The following ATP6V0A2 variants were observed in gnomAD, a reference collection of about 807,000 sequenced individuals.
ATP6V0A2 encodes the protein ATPase H+ transporting V0 subunit a2.
Under a neutral mutation model 104.4 loss-of-function variants are expected in ATP6V0A2, and 58 were observed. That is an observed-to-expected ratio of 0.56 (90% CI 0.45 to 0.69). The LOEUF (loss-of-function observed/expected upper bound fraction) is 0.69, where lower values mean the gene tolerates loss of function less well. Among genes scored for constraint, ATP6V0A2 ranks in the 30% least tolerant of loss-of-function variants. ATP6V0A2 has a pLI of 0.00. For synonymous variants in ATP6V0A2, 376 were observed against 397.9 expected (o/e 0.95, Z 0.65); for missense variants, 938 against 1,062.9 (o/e 0.88, Z 1.63).
chr12:123,757,181 C>T (rs1027706494), intron 19 of ATP6V0A2, among the ~76,000 whole-genome samples, 195 bp downstream of exon 19: 6 of 152,148 alleles, frequency 3.9e-5, no homozygotes, highest in East Asian at 1.9e-4. Flanking sequence ...TGGCTCATGC[C>T]GGTAATCCTG....
intron 4 of ATP6V0A2, among the ~76,000 whole-genome samples, chr12:123,725,169 G>A (rs1956437455): frequency 6.6e-6 from 1 of 152,122 alleles, no homozygotes; most frequent in Non-Finnish European, 1.5e-5. Context: ...TCCAGACCCA[G>A]TTGATCCACC....
chr12:123,734,023 C>T lies in ATP6V0A2; in HGVS notation c.731+15C>T. 2 of 1,578,786 alleles carry T rather than the reference C, an allele frequency of 1.3e-6. No individual in the cohort carries two copies. Among genetic ancestry groups the T allele is most frequent in the Non-Finnish European group, 1.7e-6 (2 of 1,149,240 alleles). On this transcript the variant is annotated intron_variant, in intron 7 of 19. Transcript: ENST00000330342. ...ATATGTGATTGGTAAGAAAAAGAAA[C>T]ATTTCATTTCATTTATGTCTTTATA...
intron 5 of ATP6V0A2, 64 bp downstream of exon 5, chr12:123,726,349 C>T: frequency 8.7e-7 from 1 of 1,154,452 alleles, no homozygotes; most frequent in Non-Finnish European, 1.3e-6. Context: ...CAGATGAGCT[C>T]CATAGAAGGG....
At position 123,744,369 on chromosome 12, in the gene ATP6V0A2, TG is replaced by T. The variant is rs369501050; in HGVS notation, c.1326+34del. 5.6e-6 allele frequency: 9 copies of T among 1,613,930 alleles called. No homozygotes were observed. The African/African-American group carries it at 1.2e-4, about 22-fold the overall frequency. On this transcript the variant is annotated intron_variant, in intron 11 of 19. Coordinates refer to ENST00000330342, the MANE Select transcript of ATP6V0A2 (RefSeq NM_012463.4). The surrounding 1 kb of genome is among the most constrained non-coding windows in gnomAD (Gnocchi z 5.4). The stretch of plus-strand genomic sequence containing the variant: ...ATATAAACACTCCAGCTCATATATC[TG>T]GTTAGGTGGCATTAGCAGTGACCGA...
chr12:123,747,755 T>G, intron 14 of ATP6V0A2, 30 bp downstream of exon 14: 2 of 1,442,392 alleles, frequency 1.4e-6, no homozygotes, highest in African/African-American at 1.4e-5. Flanking sequence ...TAAGCAATAT[T>G]TATAAACCAA....
At chr12:123,733,880 G>T in intron 6 of ATP6V0A2, 46 bp from the exon 7 acceptor site, 1 of 1,440,350 alleles carries the variant, frequency 6.9e-7, no homozygotes, top group Non-Finnish European at 9.8e-7. Context: ...AGTTCTAGAA[G>T]TTTATACACG....
intron 5 of ATP6V0A2, 67 bp downstream of exon 5, chr12:123,726,352 T>A (rs1451655211): frequency 1.1e-5 from 12 of 1,130,608 alleles, no homozygotes; most frequent in Non-Finnish European, 1.5e-5. Context: ...ATGAGCTCCA[T>A]AGAAGGGATG....
At chr12:123,756,387 T>G (rs1956764749) in intron 18 of ATP6V0A2, 1 of 157,076 alleles carries the variant, frequency 6.4e-6, no homozygotes, top group Non-Finnish European at 1.4e-5. Flanking sequence ...ATTTTGTGGC[T>G]GGAGGGGCCC....
chr12:123,744,223 C>T lies in ATP6V0A2; in HGVS notation c.1212C>T (p.Phe404=), dbSNP rs370742954. The change falls in exon 11 of 20, where the codon TTC becomes TTT. Residue 404 remains phenylalanine (F), a synonymous_variant. Transcript: ENST00000330342. This position sits in a 1 kb window ranked among gnomAD's most constrained non-coding sequence, Gnocchi z 5.4. ...CAGCTCTCTTTACCATCATCACCTT[C>T]CCGTTTTTATTTGCTGTGATGTTTG... ...VNPALFTIIT[F]PFLFAVMFGD... is the part of the protein sequence containing the mutation. 6 of 1,614,200 alleles carry T rather than the reference C, an allele frequency of 3.7e-6. No homozygotes were observed. Among genetic ancestry groups the T allele is most frequent in the East Asian group, 2.2e-5 (1 of 44,890 alleles).
intron 6 of ATP6V0A2, among the ~76,000 whole-genome samples, chr12:123,728,801 T>C (rs1366121237): frequency 6.6e-6 from 1 of 151,324 alleles, no homozygotes; most frequent in Non-Finnish European, 1.5e-5. Flanking sequence ...CTCTGATCAC[T>C]TGATTAGTTC....
chr12:123,719,389 GTT>G (rs111694566), intron 2 of ATP6V0A2, among the ~76,000 whole-genome samples: 21 of 139,620 alleles, frequency 1.5e-4, no homozygotes, highest in African/African-American at 3.1e-4. Flanking sequence ...GACAAAGCTT[GTT>G]TTTTTTTTTT....
chr12:123,731,099 T>TC (rs1424077887), intron 6 of ATP6V0A2: 2 of 152,170 alleles, frequency 1.3e-5, no homozygotes, highest in Non-Finnish European at 2.9e-5. Flanking sequence ...GAAAATACAA[T>TC]CCCTGTCCCC....
chr12:123,754,467 G>C lies in ATP6V0A2; in HGVS notation c.2223G>C (p.Glu741Asp), dbSNP rs780465961. 1 of 1,614,078 alleles carries C rather than the reference G, an allele frequency of 6.2e-7. No individual in the cohort carries two copies. Among genetic ancestry groups the C allele is most frequent in the Non-Finnish European group, 8.5e-7 (1 of 1,179,948 alleles). ...ILMTQVIHSI[E>D]YCLGCISNTA... The stretch of plus-strand genomic sequence containing the variant: ...TGACCCAAGTAATCCATTCCATCGA[G>C]TACTGTCTGGGATGCATCTCCAACA... Residue 741 changes from glutamate (E) to aspartate (D), a missense_variant, in exon 18 of 20, where the codon GAG becomes GAC. Physicochemically the swap from Glu to Asp is conservative, Grantham distance 45. Coordinates refer to ENST00000330342, the MANE Select transcript of ATP6V0A2 (RefSeq NM_012463.4).
intron 1 of ATP6V0A2, among the ~76,000 whole-genome samples, chr12:123,718,143 G>A (rs984349590): frequency 6.6e-6 from 1 of 151,030 alleles, no homozygotes; most frequent in African/African-American, 2.4e-5. Flanking sequence ...AGGTTGGAGT[G>A]CAAATGGCAC....
intron 18 of ATP6V0A2, among the ~76,000 whole-genome samples, chr12:123,755,820 C>T (rs925100883): frequency 1.3e-5 from 2 of 151,852 alleles, no homozygotes; most frequent in South Asian, 2.1e-4. Context: ...CTGTGGCTCA[C>T]GCCTGTAATC....
intron 9 of ATP6V0A2, among the ~76,000 whole-genome samples, chr12:123,738,548 T>C (rs1005082871): frequency 6.6e-6 from 1 of 152,254 alleles, no homozygotes; most frequent in Admixed American, 6.5e-5. Flanking sequence ...CCCCAGTTTG[T>C]CCCTCGTCTT....
At position 123,756,737 on chromosome 12, in the gene ATP6V0A2, A is replaced by T. The variant is rs1956767685; in HGVS notation, c.2294-78A>T. ...TAATAGTTCAGGGCCGTCAGGGGGA[A>T]ACTCAGTCCAGGTAGCTCACAGAGG... On this transcript the variant is annotated intron_variant, in intron 18 of 19. Transcript: ENST00000330342. The T allele has an allele frequency of 3.3e-6, 5 of 1,504,164 alleles. No homozygotes were observed. The South Asian group carries it at 4.5e-5, about 14-fold the overall frequency. The allele number at this position is 1,504,164 out of a possible 1,614,324, so 93.2% of individuals were successfully genotyped here.
chr12:123,743,255 C>G (rs936329047), intron 9 of ATP6V0A2, among the ~76,000 whole-genome samples: 1 of 152,196 alleles, frequency 6.6e-6, no homozygotes, highest in African/African-American at 2.4e-5. Context: ...CTTGCCACCC[C>G]CTGATTCCTC....
At chr12:123,716,024 T>C (rs1956335582) in intron 1 of ATP6V0A2, among the ~76,000 whole-genome samples, 1 of 152,110 alleles carries the variant, frequency 6.6e-6, no homozygotes, top group Non-Finnish European at 1.5e-5. Context: ...ATCCAAGATA[T>C]ATAATTTAAC....
Sources: allele counts gnomAD v4.1 joint callset (sites outside exome capture counted in the v4.1 genomes callset), GRCh38; gene constraint gnomAD v4.1.1; non-coding constraint Gnocchi (gnomAD v3.1); transcripts MANE v1.5; gene names NCBI Gene and HGNC (gene_info 2026-07-23, HGNC 2026-07-21).